INF2: variants seen among roughly 807,000 people sequenced by gnomAD.
INF2 encodes the protein inverted formin-2.
In INF2, 43 loss-of-function variants were observed where a neutral mutation model predicts 123.5. The ratio of observed to expected loss-of-function variants is 0.35; its 90% confidence interval spans 0.27 to 0.45. The LOEUF (loss-of-function observed/expected upper bound fraction) is 0.45. Ranked by LOEUF, INF2 falls within the 20% of genes least tolerant of loss-of-function variation. INF2 has a pLI of 1.00. For synonymous variants in INF2, 851 were observed against 745.0 expected, an observed-to-expected ratio of 1.14 and a Z score of -2.32; for missense variants, 1,453 against 1,682.7, an observed-to-expected ratio of 0.86 and a Z score of 2.39.
At chr14:104,696,470 C>T (rs117572009) in intron 1 of INF2, among the ~76,000 whole-genome samples, 3 of 152,194 alleles carry the variant, frequency 2.0e-5, no homozygotes, top group African/African-American at 7.2e-5. Flanking sequence ...TGGGCCTTGC[C>T]GGCAGTTGGT....
upstream of INF2, among the ~76,000 whole-genome samples, chr14:104,685,719 G>A (rs1006023218): frequency 1.5e-4 from 22 of 150,564 alleles, no homozygotes; most frequent in African/African-American, 5.4e-4. Context: ...GGATAGGTGG[G>A]TGGGTGGATG....
intron 13 of INF2, among the ~76,000 whole-genome samples, chr14:104,710,400 G>A (rs921308110): frequency 2.0e-5 from 3 of 151,606 alleles, no homozygotes; most frequent in Non-Finnish European, 4.4e-5. Context: ...CATGCCCACC[G>A]CCACTCGGGC....
Position 104,718,929 on chromosome 14 carries a change from CG to C in INF2, c.*140del. 1 of 1,481,466 alleles carries C rather than the reference CG, an allele frequency of 6.8e-7. No individual in the cohort carries two copies. 91.8% of individuals were successfully genotyped at this position (1,481,466 alleles called of 1,614,324 possible). ...ACCAAAACTCCGTGCCTTACCCAGC[CG>C]GGGCCCTCCTGGAGCCTTCTTGGGG... On this transcript the variant is annotated 3_prime_UTR_variant, in exon 23 of 23. Coordinates refer to ENST00000392634, the MANE Select transcript of INF2 (RefSeq NM_022489.4).
At position 104,689,843 on chromosome 14, in the gene INF2, G is replaced by A. The variant is rs3861679; in HGVS notation, c.-10+104G>A. On this transcript the variant is annotated intron_variant, in intron 1 of 22. Transcript: ENST00000392634. ...CAGGAGCGAGGTTCCGGGCTGCGGC[G>A]TGTGTGCCCAGGTGGCGGCGGGCGG... 0.041 allele frequency: 28,251 copies of A among 694,874 alleles called. 744 individuals are homozygous for A. The highest frequency in any genetic ancestry group is 0.11 in the Admixed American group (1,794 of 15,902). The allele number at this position is 694,874 out of a possible 1,614,324, so 43.0% of individuals were successfully genotyped here. A position where few individuals can be genotyped will look rare whatever the true frequency, so the allele number is the denominator to read the frequency against.
At chr14:104,718,139 C>G (rs1203329480) in intron 22 of INF2, among the ~76,000 whole-genome samples, 2 of 152,262 alleles carry the variant, frequency 1.3e-5, no homozygotes, top group Non-Finnish European at 2.9e-5. Context: ...TTTTTGTTTT[C>G]TTGCTGTCTG....
In INF2 at chr14:104,712,838, C is replaced by T. The variant is rs1288069245; in HGVS notation, c.2621C>T (p.Ser874Leu). The T allele has an allele frequency of 2.5e-6, 4 of 1,610,028 alleles. No homozygotes were observed. Among genetic ancestry groups the T allele is most frequent in the Non-Finnish European group, 3.4e-6 (4 of 1,178,058 alleles). The stretch of plus-strand genomic sequence containing the variant: ...TGCCCTTGCCCCCAGGCCAGCATCT[C>T]GGCCTTCCGGGCACTGGATGAGCTG... ...QYTERLQASISAFRALDELFE... is the reference protein window; with the variant it reads ...QYTERLQASILAFRALDELFE... Residue 874 changes from serine (S) to leucine (L), a missense_variant, in exon 18 of 23, where the codon TCG becomes TTG. Ser to Leu is a moderately radical substitution (Grantham distance 145, BLOSUM62 -2). Around this residue, in one of 8 missense-constraint regions of INF2, gnomAD observed 212 missense variants for 266.2 expected, o/e 0.80. Transcript: ENST00000392634.
At chr14:104,697,006 A>G (rs1239178338) in intron 1 of INF2, among the ~76,000 whole-genome samples, 1 of 152,210 alleles carries the variant, frequency 6.6e-6, no homozygotes, top group East Asian at 1.9e-4. Context: ...GGGTCCCCAG[A>G]GCCCCTTGGT....
In INF2 at chr14:104,712,983, C is replaced by A; in HGVS notation, c.2766C>A (p.Arg922=). 14 of 1,612,480 alleles carry A rather than the reference C, an allele frequency of 8.7e-6. No homozygotes were observed. The highest frequency in any genetic ancestry group is 1.2e-5 in the Non-Finnish European group (14 of 1,179,786). The stretch of plus-strand genomic sequence containing the variant: ...AGGCTTTCCGGGACCTTTTCCTCCG[C>A]GCCCTGAAGGTGGGGCAGCCCGGCG... The part of the protein sequence containing the change: ...TMKAFRDLFL[R]ALKENKDRKE... Residue 922 remains arginine, a synonymous_variant, in exon 18 of 23, where the codon CGC becomes CGA. Coordinates refer to ENST00000392634, the MANE Select transcript of INF2 (RefSeq NM_022489.4).
Position 104,706,170 on chromosome 14 carries a change from C to G in INF2, c.837C>G (p.Phe279Leu), listed in dbSNP as rs753524014. ...SSHQEVFASLFHKVSCSPVSA... is the reference protein window; with the variant it reads ...SSHQEVFASLLHKVSCSPVSA... Reference sequence around the variant, plus strand: ...ACCAGGAGGTCTTTGCCTCCCTGTTCCACAAGGTGGGCTGGGGGCTGCAGG... The same window carrying G: ...ACCAGGAGGTCTTTGCCTCCCTGTTGCACAAGGTGGGCTGGGGGCTGCAGG... The change falls in exon 6 of 23, where the codon TTC becomes TTG. Residue 279 changes from phenylalanine (F) to leucine (L), a missense_variant. Physicochemically the swap from Phe to Leu is conservative, Grantham distance 22. This residue lies in a region of INF2 where 251 missense variants were observed against 349.4 expected (regional missense o/e 0.72). Coordinates refer to ENST00000392634, the MANE Select transcript of INF2 (RefSeq NM_022489.4). 6 of 1,579,948 alleles carry G rather than the reference C, an allele frequency of 3.8e-6. No individual in the cohort carries two copies. Among genetic ancestry groups the G allele is most frequent in the Middle Eastern group, 1.8e-4 (1 of 5,652 alleles).
At chr14:104,709,230 G>T (rs1449619267) in intron 10 of INF2, 51 bp from the exon 11 acceptor site, 9 of 1,413,992 alleles carry the variant, frequency 6.4e-6, no homozygotes, top group Non-Finnish European at 8.9e-6. Flanking sequence ...GAGGCTGGGT[G>T]GGGGTGACTC....
chr14:104,717,037 T>C (rs1890330121), intron 22 of INF2, among the ~76,000 whole-genome samples: 1 of 152,226 alleles, frequency 6.6e-6, no homozygotes. Context: ...GGAAACTGCA[T>C]AGATCAGAAT....
In INF2 at chr14:104,714,582, C is replaced by T. The variant is rs777504239; in HGVS notation, c.3420C>T (p.Val1140=). 6 of 1,612,656 alleles carry T rather than the reference C, an allele frequency of 3.7e-6. No individual in the cohort carries two copies. The East Asian group carries it at 1.1e-4, about 30-fold the overall frequency. ...DAKDPTSLLG[V]LQAEADSTSE... is the part of the protein sequence containing the mutation. ...AGGATCCCACGTCCTTGCTGGGCGT[C>T]CTCCAGGCCGAGGCCGACAGCACAA... Residue 1140 remains valine (V), a synonymous_variant, in exon 21 of 23, where the codon GTC becomes GTT. Coordinates refer to ENST00000392634, the MANE Select transcript of INF2 (RefSeq NM_022489.4).
chr14:104,714,679 G>A lies in INF2; in HGVS notation c.3517G>A (p.Asp1173Asn). ...TGCAGCAGGCCCAGGTGGGGATGAGGACGAGGACGAGGAGGACACGGCCCC... is the reference window on the plus strand; with the variant it reads ...TGCAGCAGGCCCAGGTGGGGATGAGAACGAGGACGAGGAGGACACGGCCCC... Reference protein sequence around the residue: ...PPAAGPGGDEDEDEEDTAPES... With the variant: ...PPAAGPGGDENEDEEDTAPES... The change falls in exon 21 of 23, where the codon GAC becomes AAC. Residue 1173 changes from aspartate (D) to asparagine (N), a missense_variant. Physicochemically the swap from Asp to Asn is conservative, Grantham distance 23. Transcript: ENST00000392634. 1.9e-6 allele frequency: 3 copies of A among 1,611,636 alleles called. No homozygotes were observed. The highest frequency in any genetic ancestry group is 2.5e-6 in the Non-Finnish European group (3 of 1,179,098).
In INF2 at chr14:104,684,243, C is replaced by T. The variant is rs34369401; in HGVS notation, c.-104+2661C>T. On this transcript the variant is annotated intron_variant, in intron 1 of 2. Transcript: ENST00000674723. The surrounding 1 kb of genome is among the most constrained non-coding windows in gnomAD (Gnocchi z 5.0). ...CGAGAAGGAGGCTGGGGAGGGACAG[C>T]TCGAGGGCTCACTGGAGGTCAGCAG... The T allele has an allele frequency of 0.13, 56,020 of 425,700 alleles. 4,242 individuals are homozygous for T. Among genetic ancestry groups the T allele is most frequent in the Non-Finnish European group, 0.16 (33,969 of 209,788 alleles). The allele number at this position is 425,700 out of a possible 1,614,324, so 26.4% of individuals were successfully genotyped here.
chr14:104,716,906 G>A (rs998364124), intron 22 of INF2, among the ~76,000 whole-genome samples: 13 of 152,108 alleles, frequency 8.5e-5, no homozygotes, highest in Non-Finnish European at 1.9e-4. Flanking sequence ...TGGTCAGGCT[G>A]GTCTCGAACT....
intron 1 of INF2, among the ~76,000 whole-genome samples, chr14:104,682,061 G>A (rs1047969731): frequency 2.0e-5 from 3 of 152,208 alleles, no homozygotes; most frequent in African/African-American, 7.2e-5. Context: ...CCTGTGCGGC[G>A]GCATGGGAAA....
At chr14:104,696,525 G>T (rs1398990326) in intron 1 of INF2, among the ~76,000 whole-genome samples, 4 of 152,232 alleles carry the variant, frequency 2.6e-5, no homozygotes, top group African/African-American at 9.6e-5. Context: ...TGTTGGCCTG[G>T]TGGGGAAGGT....
At position 104,695,113 on chromosome 14, in the gene INF2, A is replaced by G. The variant is rs1889124993; in HGVS notation, c.-10+5374A>G. Among the ~76,000 whole-genome samples, 5 of 152,182 alleles carry G rather than the reference A, an allele frequency of 3.3e-5. No homozygotes were observed. In the South Asian group the frequency reaches 1.0e-3, roughly 32 times the overall value. On this transcript the variant is annotated intron_variant, in intron 1 of 22. Coordinates refer to ENST00000392634, the MANE Select transcript of INF2 (RefSeq NM_022489.4). ...GACGAGCTCCTGGCCACCTGCCCTC[A>G]TTGCCCAGCAGACCCCCTGCAGGGT...
rs1890443848 is a variant in INF2 at position 104,718,895 on chromosome 14, G to A, written c.*102G>A. On this transcript the variant is annotated 3_prime_UTR_variant, in exon 23 of 23. Coordinates refer to ENST00000392634, the MANE Select transcript of INF2 (RefSeq NM_022489.4). ...CTTCTGGGGGCCAGGCTGGGACTGGGCCCCGGAAACCAAAACTCCGTGCCT... is the reference window on the plus strand; with the variant it reads ...CTTCTGGGGGCCAGGCTGGGACTGGACCCCGGAAACCAAAACTCCGTGCCT... The A allele has an allele frequency of 1.3e-6, 2 of 1,559,520 alleles. No homozygotes were observed. The highest frequency in any genetic ancestry group is 1.7e-6 in the Non-Finnish European group (2 of 1,160,172).
Sources: allele counts gnomAD v4.1 joint callset (sites outside exome capture counted in the v4.1 genomes callset), GRCh38; gene constraint gnomAD v4.1.1; regional missense constraint gnomAD v4.1.1; non-coding constraint Gnocchi (gnomAD v3.1); transcripts MANE v1.5; gene names NCBI Gene and HGNC (gene_info 2026-07-23, HGNC 2026-07-21).